Variants in ATP8B4 observed in about 807,000 individuals in gnomAD.
ATP8B4 encodes the protein probable phospholipid-transporting ATPase IM.
Under a neutral mutation model 145.6 loss-of-function variants are expected in ATP8B4, and 133 were observed. That is an observed-to-expected ratio of 0.91 (90% CI 0.79 to 1.05). ATP8B4 has a LOEUF of 1.05. Ranked by LOEUF, ATP8B4 falls within the 50% of genes least tolerant of loss-of-function variation. The probability of loss-of-function intolerance (pLI) is 0.00; values close to 1 mark genes in which losing one functional copy is unlikely to be tolerated. For missense variants in ATP8B4, 1,458 were observed against 1,425.2 expected, an observed-to-expected ratio of 1.02 and a Z score of -0.37; for synonymous variants, 507 against 492.9, an observed-to-expected ratio of 1.03 and a Z score of -0.38.
At chr15:49,892,031 G>A (rs558985413) in intron 23 of ATP8B4, among the ~76,000 whole-genome samples, 39 of 151,628 alleles carry the variant, frequency 2.6e-4, no homozygotes, top group African/African-American at 9.0e-4. Context: ...CAGGAGAATC[G>A]TGTGAACCTG....
chr15:49,934,182 C>G lies in ATP8B4; in HGVS notation c.1288G>C (p.Glu430Gln). The change falls in exon 15 of 28, where the codon GAA (glutamate) becomes CAA (glutamine). Residue 430 changes from glutamate (E) to glutamine (Q), a missense_variant and splice_region_variant. By Grantham distance (29) the Glu-to-Gln change is conservative. Transcript: ENST00000284509. The part of the protein sequence containing the change: ...DLDQKTEITQ[E>Q]KEPVDFSVKS... ...ACTGAGAAATCCACAGGCTCTTTTTCCTGTAGGAGAACAACAACAACAAAA... is the reference window on the plus strand; with the variant it reads ...ACTGAGAAATCCACAGGCTCTTTTTGCTGTAGGAGAACAACAACAACAAAA... 6.2e-7 allele frequency: 1 copy of G among 1,601,818 alleles called. No homozygotes were observed. Among genetic ancestry groups the G allele is most frequent in the Non-Finnish European group, 8.5e-7 (1 of 1,175,978 alleles).
chr15:49,966,002 G>A (rs556450364), intron 13 of ATP8B4, among the ~76,000 whole-genome samples: 23 of 152,264 alleles, frequency 1.5e-4, no homozygotes, highest in African/African-American at 4.1e-4. Flanking sequence ...TCACCTCACC[G>A]GGGAAGTGCA....
intron 5 of ATP8B4, among the ~76,000 whole-genome samples, chr15:50,044,148 T>C (rs1448812377): frequency 6.6e-6 from 1 of 152,188 alleles, no homozygotes; most frequent in East Asian, 1.9e-4. Context: ...CCCCACATCA[T>C]TCAAGGATCA....
At chr15:49,914,848 C>T (rs950544695) in intron 20 of ATP8B4, among the ~76,000 whole-genome samples, 1 of 152,058 alleles carries the variant, frequency 6.6e-6, no homozygotes, top group African/African-American at 2.4e-5. Flanking sequence ...AGCTATTACA[C>T]TTTGTTGGTG....
Position 49,999,149 on chromosome 15 carries a change from G to A in ATP8B4, c.507-2390C>T, listed in dbSNP as rs899781450. Among the ~76,000 whole-genome samples the A allele has an allele frequency of 7.2e-5, 11 of 151,984 alleles. 1 individual carries two copies. Among genetic ancestry groups the A allele is most frequent in the Admixed American group, 7.2e-4 (11 of 15,228 alleles). The stretch of plus-strand genomic sequence containing the variant: ...GGAACCAACCCAAATGTCCAACAAT[G>A]ATAGATTGGATTAAGAAAATGTGGC... On this transcript the variant is annotated intron_variant, in intron 8 of 27. Coordinates refer to ENST00000284509, the MANE Select transcript of ATP8B4 (RefSeq NM_024837.4).
chr15:49,995,705 C>T (rs2047367908), intron 9 of ATP8B4, among the ~76,000 whole-genome samples: 1 of 151,952 alleles, frequency 6.6e-6, no homozygotes, highest in Non-Finnish European at 1.5e-5. Context: ...CATGTTTTCC[C>T]TAAGTGGATC....
chr15:50,043,308 T>C (rs576876445), intron 5 of ATP8B4, among the ~76,000 whole-genome samples: 351 of 152,358 alleles, frequency 2.3e-3, no homozygotes, highest in African/African-American at 8.2e-3. Context: ...AAATTCTCTA[T>C]TGCCTTATAT....
intron 12 of ATP8B4, among the ~76,000 whole-genome samples, chr15:49,973,627 CATTA>C (rs1197634769): frequency 3.5e-4 from 41 of 116,122 alleles, no homozygotes; most frequent in Middle Eastern, 4.0e-3. Context: ...TACATAATTA[CATTA>C]ATTATTACAA....
At chr15:49,899,421 C>T (rs1270997554) in intron 21 of ATP8B4, among the ~76,000 whole-genome samples, 1 of 152,136 alleles carries the variant, frequency 6.6e-6, no homozygotes, top group African/African-American at 2.4e-5. Context: ...TATCCTCAGA[C>T]TTTAGCACTG....
chr15:49,939,635 T>C (rs1348123790), intron 14 of ATP8B4, among the ~76,000 whole-genome samples: 1 of 152,080 alleles, frequency 6.6e-6, no homozygotes, highest in Non-Finnish European at 1.5e-5. Context: ...AAAAATACGT[T>C]CAGACCAGAT....
intron 17 of ATP8B4, among the ~76,000 whole-genome samples, chr15:49,921,731 C>T (rs142888938): frequency 2.6e-5 from 4 of 152,140 alleles, no homozygotes; most frequent in South Asian, 4.1e-4. Context: ...AAAGTCAATG[C>T]GTACTGCAAT....
intron 12 of ATP8B4, among the ~76,000 whole-genome samples, chr15:49,975,885 C>A (rs2045613914): frequency 6.6e-6 from 1 of 151,960 alleles, no homozygotes; most frequent in African/African-American, 2.4e-5. Flanking sequence ...ACAAGGATAT[C>A]CAGAACAGTA....
At chr15:49,901,010 A>T in intron 21 of ATP8B4, 82 bp downstream of exon 21, 2 of 1,490,590 alleles carry the variant, frequency 1.3e-6, no homozygotes, top group Non-Finnish European at 1.8e-6. Context: ...GAAAAGACAA[A>T]GGAGGTCTCA....
rs185798777 is a variant in ATP8B4, at chr15:49,980,911, C to A, written c.837+295G>T. ...AAAGTAAGAAAACAAAAACACCAAA[C>A]TGCCTTAAAAACTATGTTTGGTTTT... On this transcript the variant is annotated intron_variant, in intron 11 of 27. Transcript: ENST00000284509. Among the ~76,000 whole-genome samples the A allele has an allele frequency of 2.8e-3, 425 of 152,314 alleles. 3 individuals carry two copies. The highest frequency in any genetic ancestry group is 2.1e-3 in the Non-Finnish European group (146 of 68,030).
At chr15:49,916,869 C>T in intron 20 of ATP8B4, 65 bp downstream of exon 20, 1 of 1,458,142 alleles carries the variant, frequency 6.9e-7, no homozygotes, top group Non-Finnish European at 9.6e-7. Flanking sequence ...TTTCTCAACT[C>T]TCTGATCTTT....
At chr15:50,155,431 T>C (rs952920396) in intron 1 of ATP8B4, among the ~76,000 whole-genome samples, 6 of 152,136 alleles carry the variant, frequency 3.9e-5, no homozygotes, top group Admixed American at 6.5e-5. Flanking sequence ...AGAAAAAAGA[T>C]AAAACTGTCT....
chr15:50,166,888 T>C (rs767822722), intron 1 of ATP8B4, among the ~76,000 whole-genome samples: 2 of 151,916 alleles, frequency 1.3e-5, no homozygotes, highest in Non-Finnish European at 2.9e-5. Flanking sequence ...GAGGGTGAAA[T>C]TTGTGGCAGG....
intron 1 of ATP8B4, among the ~76,000 whole-genome samples, chr15:50,110,186 T>C (rs2153670639): frequency 6.6e-6 from 1 of 152,354 alleles, no homozygotes; most frequent in Non-Finnish European, 1.5e-5. Context: ...AGAAGTTGTT[T>C]CTTATTAATG....
chr15:49,968,800 C>T (rs748706188), intron 13 of ATP8B4, among the ~76,000 whole-genome samples: 1 of 152,176 alleles, frequency 6.6e-6, no homozygotes, highest in Non-Finnish European at 1.5e-5. Context: ...GAACTCTCCA[C>T]CCCAAATCAA....
Sources: gnomAD v4.1 joint callset for allele counts (sites outside exome capture counted in the v4.1 genomes callset) on GRCh38, gnomAD v4.1.1 for gene constraint, MANE v1.5 for transcripts, NCBI Gene and HGNC (gene_info 2026-07-23, HGNC 2026-07-21) for gene names.